The following SLC35F1 variants were observed in gnomAD, a reference collection of about 807,000 sequenced individuals.
The protein encoded by SLC35F1 is solute carrier family 35 member F1.
A neutral mutation model predicts 48.7 loss-of-function variants in SLC35F1; 14 were observed. That is an observed-to-expected ratio of 0.29 (90% CI 0.19 to 0.45). The LOEUF is 0.45. SLC35F1 is among the 20% of genes least tolerant of loss of function. SLC35F1 has a pLI of 1.00. For missense variants in SLC35F1, 404 were observed against 500.0 expected, an observed-to-expected ratio of 0.81 and a Z score of 1.83; for synonymous variants, 190 against 202.2, an observed-to-expected ratio of 0.94 and a Z score of 0.51.
At chr6:118,195,388 T>C (rs1050842942) in intron 2 of SLC35F1, among the ~76,000 whole-genome samples, 2 of 152,270 alleles carry the variant, frequency 1.3e-5, no homozygotes, top group South Asian at 2.1e-4. Context: ...AAGACTTTGC[T>C]CCTCCCTGGG....
At chr6:117,942,480 C>T (rs1776244778) in intron 1 of SLC35F1, among the ~76,000 whole-genome samples, 1 of 152,152 alleles carries the variant, frequency 6.6e-6, no homozygotes, top group Non-Finnish European at 1.5e-5. Flanking sequence ...GAATTAACCT[C>T]CATTCTATAC....
intron 1 of SLC35F1, among the ~76,000 whole-genome samples, chr6:118,044,375 A>C (rs1772270512): frequency 6.6e-6 from 1 of 152,074 alleles, no homozygotes; most frequent in Non-Finnish European, 1.5e-5. Context: ...CCTGTGGTTA[A>C]GTAATTTTTT....
chr6:118,088,279 G>A (rs1243518858), intron 1 of SLC35F1, among the ~76,000 whole-genome samples: 1 of 152,126 alleles, frequency 6.6e-6, no homozygotes, highest in Non-Finnish European at 1.5e-5. Context: ...ATTTTAAAAT[G>A]TAGTTCCTTG....
intron 3 of SLC35F1, among the ~76,000 whole-genome samples, chr6:118,263,356 G>A (rs1239799650): frequency 2.6e-5 from 4 of 152,060 alleles, no homozygotes; most frequent in African/African-American, 4.8e-5. Flanking sequence ...GTGCCCGGCC[G>A]TGTCTATAAA....
chr6:118,185,162 C>T (rs1017465906), intron 2 of SLC35F1, among the ~76,000 whole-genome samples: 2 of 152,108 alleles, frequency 1.3e-5, no homozygotes, highest in Non-Finnish European at 2.9e-5. Flanking sequence ...CCCGTGTTTC[C>T]CCATTTCTTC....
chr6:118,191,514 A>G (rs1774733143), intron 2 of SLC35F1, among the ~76,000 whole-genome samples: 1 of 152,190 alleles, frequency 6.6e-6, no homozygotes, highest in South Asian at 2.1e-4. Flanking sequence ...CAATGGGTGT[A>G]CAGTTCCAAG....
At chr6:118,266,592 C>A (rs982058880) in intron 3 of SLC35F1, among the ~76,000 whole-genome samples, 1 of 152,068 alleles carries the variant, frequency 6.6e-6, no homozygotes, top group African/African-American at 2.4e-5. Flanking sequence ...CTCCCATTCC[C>A]GGATCTACTC....
chr6:118,227,996 A>C (rs1775240046), intron 2 of SLC35F1, among the ~76,000 whole-genome samples: 1 of 152,182 alleles, frequency 6.6e-6, no homozygotes, highest in Admixed American at 6.5e-5. Flanking sequence ...AGAAAGATTG[A>C]GGTTCAGAGC....
intron 1 of SLC35F1, among the ~76,000 whole-genome samples, chr6:118,148,290 G>C (rs1298770195): frequency 4.6e-5 from 7 of 152,296 alleles, no homozygotes; most frequent in African/African-American, 4.8e-5. Context: ...CAAGCAATAT[G>C]ATTATGTAAC....
intron 2 of SLC35F1, among the ~76,000 whole-genome samples, chr6:118,224,528 G>A (rs796610988): frequency 4.6e-5 from 7 of 152,040 alleles, no homozygotes; most frequent in East Asian, 1.9e-4. Flanking sequence ...CTGAGTATCC[G>A]GGACTATAGG....
intron 1 of SLC35F1, among the ~76,000 whole-genome samples, chr6:117,923,467 G>T (rs1483577994): frequency 1.4e-5 from 2 of 140,352 alleles, no homozygotes; most frequent in Non-Finnish European, 3.0e-5. Context: ...GAATAGAATG[G>T]AAATTGACAT....
At chr6:117,995,570 G>T (rs4946316) in intron 1 of SLC35F1, among the ~76,000 whole-genome samples, 1 of 151,746 alleles carries the variant, frequency 6.6e-6, no homozygotes, top group South Asian at 2.1e-4. Context: ...GTGAAACCCC[G>T]TCTCTACTAA....
At chr6:118,154,699 G>A (rs1422698836) in intron 2 of SLC35F1, 79 bp downstream of exon 2, 2 of 1,371,548 alleles carry the variant, frequency 1.5e-6, no homozygotes, top group East Asian at 2.4e-5. Context: ...ATAACGTTTT[G>A]TCACTTAAGC....
intron 7 of SLC35F1, among the ~76,000 whole-genome samples, chr6:118,309,169 ATGTGTGTGTGTGTGTG>A (rs57832608): frequency 6.1e-5 from 9 of 148,104 alleles, no homozygotes; most frequent in African/African-American, 2.2e-4. Context: ...GGGCCTGTAG[ATGTGTGTGTGTGTGTG>A]TGTGTGTGTG....
chr6:117,986,354 G>T (rs1776847709), intron 1 of SLC35F1, among the ~76,000 whole-genome samples: 1 of 152,126 alleles, frequency 6.6e-6, no homozygotes, highest in African/African-American at 2.4e-5. Context: ...GCCTCAGAAA[G>T]GTATTTATTA....
intron 2 of SLC35F1, among the ~76,000 whole-genome samples, chr6:118,210,091 G>A (rs1351470367): frequency 1.3e-5 from 2 of 152,170 alleles, no homozygotes; most frequent in African/African-American, 4.8e-5. Flanking sequence ...AAGAACAAAA[G>A]GAACCCAATT....
chr6:117,992,230 A>G (rs1298730658), intron 1 of SLC35F1, among the ~76,000 whole-genome samples: 2 of 152,098 alleles, frequency 1.3e-5, no homozygotes, highest in African/African-American at 4.8e-5. Flanking sequence ...TGTTTTACAC[A>G]AAGTATTATT....
At chr6:118,131,080 A>G (rs1453407573) in intron 1 of SLC35F1, among the ~76,000 whole-genome samples, 1 of 152,194 alleles carries the variant, frequency 6.6e-6, no homozygotes, top group Non-Finnish European at 1.5e-5. Context: ...TAGTCAGCAT[A>G]TATAGCTAGT....
At chr6:118,266,381 A>G (rs1179187258) in intron 3 of SLC35F1, among the ~76,000 whole-genome samples, 1 of 152,174 alleles carries the variant, frequency 6.6e-6, no homozygotes, top group Non-Finnish European at 1.5e-5. Flanking sequence ...TTTTTTTTCT[A>G]ATAGTTCTTT....
Sources: gnomAD v4.1 joint callset for allele counts (sites outside exome capture counted in the v4.1 genomes callset) on GRCh38, gnomAD v4.1.1 for gene constraint, MANE v1.5 for transcripts, NCBI Gene and HGNC (gene_info 2026-07-23, HGNC 2026-07-21) for gene names.